The following NEO1 variants were observed in gnomAD, a reference collection of about 807,000 sequenced individuals.
NEO1 encodes the protein neogenin.
A neutral mutation model predicts 159.7 loss-of-function variants in NEO1; 63 were observed. The observed-to-expected ratio is 0.39, with a 90% confidence interval of 0.32 to 0.49. The LOEUF (loss-of-function observed/expected upper bound fraction) is 0.49. NEO1 is among the 20% of genes least tolerant of loss of function. The pLI is 0.85. For missense variants in NEO1, 1,615 were observed against 1,831.0 expected, an observed-to-expected ratio of 0.88 and a Z score of 2.15; for synonymous variants, 633 against 662.0, an observed-to-expected ratio of 0.96 and a Z score of 0.67.
intron 7 of NEO1, among the ~76,000 whole-genome samples, chr15:73,209,911 G>A (rs888582482): frequency 2.6e-5 from 4 of 152,100 alleles, no homozygotes; most frequent in African/African-American, 9.7e-5. Context: ...GCTGAGGCAG[G>A]AAAATCACAT....
intron 5 of NEO1, among the ~76,000 whole-genome samples, chr15:73,158,184 CAGCCTGGGAG>C (rs2033914304): frequency 6.7e-6 from 1 of 148,948 alleles, no homozygotes; most frequent in Non-Finnish European, 1.5e-5. Flanking sequence ...TGCTGCACTC[CAGCCTGGGAG>C]AAAGAGTGAG....
Position 73,244,604 on chromosome 15 carries a change from T to G in NEO1, c.1606+106T>G. On this transcript the variant is annotated intron_variant, in intron 9 of 28. Transcript: ENST00000261908. ...TAGGGGAGCAGAAGATAACAGTTCCTTACTTTCGGGGTCCTTATCAATTAG... is the reference window on the plus strand; with the variant it reads ...TAGGGGAGCAGAAGATAACAGTTCCGTACTTTCGGGGTCCTTATCAATTAG... 3.2e-6 allele frequency: 4 copies of G among 1,266,762 alleles called. No individual in the cohort carries two copies. The South Asian group carries it at 7.2e-5, about 23-fold the overall frequency. 78.5% of individuals were successfully genotyped at this position (1,266,762 alleles called of 1,614,324 possible).
chr15:73,244,550 G>A (rs1422977836), intron 9 of NEO1, 52 bp downstream of exon 9: 17 of 1,582,426 alleles, frequency 1.1e-5, no homozygotes, highest in African/African-American at 2.7e-5. Flanking sequence ...CCTCTCTGAA[G>A]TTCTACCTTT....
chr15:73,132,751 G>A (rs1205115582), intron 4 of NEO1, among the ~76,000 whole-genome samples: 1 of 152,054 alleles, frequency 6.6e-6, no homozygotes, highest in African/African-American at 2.4e-5. Flanking sequence ...CTCAAAAGAA[G>A]ATATACAAAT....
intron 26 of NEO1, among the ~76,000 whole-genome samples, chr15:73,294,216 C>G (rs2042269349): frequency 6.6e-6 from 1 of 152,224 alleles, no homozygotes; most frequent in African/African-American, 2.4e-5. Context: ...ACCGCATTAT[C>G]AAACAGTTTT....
At chr15:73,241,187 A>T (rs753622115) in intron 8 of NEO1, among the ~76,000 whole-genome samples, 1 of 152,086 alleles carries the variant, frequency 6.6e-6, no homozygotes, top group Non-Finnish European at 1.5e-5. Context: ...CATCTTTCTT[A>T]AAAAAGCAGT....
intron 6 of NEO1, among the ~76,000 whole-genome samples, chr15:73,176,846 G>A (rs1403820294): frequency 6.6e-6 from 1 of 152,136 alleles, no homozygotes; most frequent in Non-Finnish European, 1.5e-5. Context: ...ACCATTTTCT[G>A]GCAGATGATT....
intron 27 of NEO1, among the ~76,000 whole-genome samples, chr15:73,299,536 C>G (rs1213077836): frequency 6.6e-6 from 1 of 152,094 alleles, no homozygotes; most frequent in African/African-American, 2.4e-5. Context: ...CAGGTGCCCA[C>G]CACCATGCGC....
intron 7 of NEO1, among the ~76,000 whole-genome samples, chr15:73,228,465 G>A (rs1214390680): frequency 7.4e-6 from 1 of 135,048 alleles, no homozygotes; most frequent in South Asian, 2.3e-4. Context: ...TTGGGTATAA[G>A]TTTTTTTTTT....
intron 5 of NEO1, among the ~76,000 whole-genome samples, chr15:73,156,186 G>A (rs144757093): frequency 1.9e-4 from 29 of 152,258 alleles, no homozygotes; most frequent in Middle Eastern, 3.4e-3. Context: ...CTGGGTATGC[G>A]CAGTGGCTTT....
At chr15:73,098,875 A>G (rs996035098) in intron 1 of NEO1, among the ~76,000 whole-genome samples, 4 of 152,088 alleles carry the variant, frequency 2.6e-5, no homozygotes, top group African/African-American at 4.8e-5. Flanking sequence ...CCATCAGCCT[A>G]TTTTCCTATA....
At chr15:73,084,179 A>G (rs918590023) in intron 1 of NEO1, among the ~76,000 whole-genome samples, 5 of 152,090 alleles carry the variant, frequency 3.3e-5, no homozygotes, top group African/African-American at 1.2e-4. Context: ...AAAATCTCCC[A>G]GCGATTTTCA....
chr15:73,215,316 T>G lies in NEO1; in HGVS notation c.1292-21031T>G, dbSNP rs1288856695. On this transcript the variant is annotated intron_variant, in intron 7 of 28. Coordinates refer to ENST00000261908, the MANE Select transcript of NEO1 (RefSeq NM_002499.4). Reference sequence around the variant, plus strand: ...CTGGCTAGGACTTTCCAGTACTGTGTTGAAAAGAAGTGGTGAGAGTGGGCA... The same window carrying G: ...CTGGCTAGGACTTTCCAGTACTGTGGTGAAAAGAAGTGGTGAGAGTGGGCA... 2.4e-3 allele frequency among the ~76,000 whole-genome samples: 362 copies of G among 152,308 alleles called. 3 individuals carry two copies. Among genetic ancestry groups the G allele is most frequent in the African/African-American group, 7.5e-3 (311 of 41,574 alleles).
chr15:73,229,362 A>G (rs2038780764), intron 7 of NEO1, among the ~76,000 whole-genome samples: 1 of 150,738 alleles, frequency 6.6e-6, no homozygotes, highest in Admixed American at 6.6e-5. Flanking sequence ...TGATTTCTTA[A>G]TTTCATTTTT....
chr15:73,258,630 G>C (rs2040475628), intron 13 of NEO1, 136 bp from the exon 14 acceptor site: 2 of 655,816 alleles, frequency 3.0e-6, no homozygotes, highest in East Asian at 5.5e-5. Context: ...TGCCTACACT[G>C]TATTAACTTA....
At chr15:73,100,103 C>T (rs182640140) in intron 1 of NEO1, among the ~76,000 whole-genome samples, 28 of 152,234 alleles carry the variant, frequency 1.8e-4, no homozygotes, top group African/African-American at 5.8e-4. Context: ...TCTTTAACCT[C>T]GTCATCTCCA....
At chr15:73,139,303 G>A (rs1394493820) in intron 5 of NEO1, among the ~76,000 whole-genome samples, 1 of 151,960 alleles carries the variant, frequency 6.6e-6, no homozygotes. Context: ...GAAAACACAG[G>A]CAACGAAAGC....
At chr15:73,095,539 A>G (rs925097926) in intron 1 of NEO1, among the ~76,000 whole-genome samples, 6 of 152,138 alleles carry the variant, frequency 3.9e-5, no homozygotes, top group Non-Finnish European at 7.3e-5. Flanking sequence ...AGAAACTTTC[A>G]CCAACAATTT....
chr15:73,092,146 A>C (rs891072369), intron 1 of NEO1, among the ~76,000 whole-genome samples: 2 of 152,200 alleles, frequency 1.3e-5, no homozygotes, highest in Non-Finnish European at 2.9e-5. Flanking sequence ...CATACAGAGA[A>C]GTCACATTTG....
Sources: gnomAD v4.1 joint callset for allele counts (sites outside exome capture counted in the v4.1 genomes callset) on GRCh38, gnomAD v4.1.1 for gene constraint, MANE v1.5 for transcripts, NCBI Gene and HGNC (gene_info 2026-07-23, HGNC 2026-07-21) for gene names.